The following SMIM13 variants were observed in gnomAD, a reference collection of about 807,000 sequenced individuals.
SMIM13 encodes small integral membrane protein 13.
A neutral mutation model predicts 5.9 loss-of-function variants in SMIM13; 3 were observed. The ratio of observed to expected loss-of-function variants is 0.51; its 90% CI spans 0.23 to 1.31. SMIM13 has a LOEUF of 1.31. Among genes scored for constraint, SMIM13 ranks in the 40% most tolerant of loss-of-function variants. SMIM13 has a pLI of 0.18. For missense variants in SMIM13, 85 were observed against 109.9 expected (o/e 0.77, Z 1.01); for synonymous variants, 55 against 46.0 (o/e 1.19, Z -0.79).
intron 1 of SMIM13, among the ~76,000 whole-genome samples, chr6:11,098,401 A>G (rs1483763180): frequency 6.6e-6 from 1 of 152,200 alleles, no homozygotes; most frequent in Non-Finnish European, 1.5e-5. Context: ...CCTTACAGTT[A>G]AGTGATGTCT....
chr6:11,106,086 C>A (rs891590036), intron 1 of SMIM13, among the ~76,000 whole-genome samples: 1 of 152,138 alleles, frequency 6.6e-6, no homozygotes, highest in Non-Finnish European at 1.5e-5. Flanking sequence ...GCTTTATGTC[C>A]AGGGCACTAC....
chr6:11,108,920 A>G (rs1758130089), intron 1 of SMIM13, among the ~76,000 whole-genome samples: 1 of 152,174 alleles, frequency 6.6e-6, no homozygotes, highest in African/African-American at 2.4e-5. Flanking sequence ...GGTTTTCATA[A>G]GGCCCTTGAT....
In SMIM13 at chr6:11,103,459, C is replaced by T. The variant is rs373330106; in HGVS notation, c.76+9070C>T. On this transcript the variant is annotated intron_variant, in intron 1 of 1. Transcript: ENST00000416247. Reference sequence around the variant, plus strand: ...GCTACCTGCTCCAACATTTCCCCCCCTCAAGAGTCCAAGACCCAATTATCT... The same window carrying T: ...GCTACCTGCTCCAACATTTCCCCCCTTCAAGAGTCCAAGACCCAATTATCT... 2.4e-5 allele frequency: 13 copies of T among 551,092 alleles called. 1 individual carries two copies. Among genetic ancestry groups the T allele is most frequent in the South Asian group, 2.2e-4 (5 of 22,728 alleles). 34.1% of individuals were successfully genotyped at this position (551,092 alleles called of 1,614,324 possible). A position where few individuals can be genotyped will look rare whatever the true frequency, so the allele number is the denominator to read the frequency against.
At chr6:11,111,434 C>A (rs1319165104) in intron 1 of SMIM13, among the ~76,000 whole-genome samples, 2 of 152,194 alleles carry the variant, frequency 1.3e-5, no homozygotes. Flanking sequence ...TCATCAGCCT[C>A]CTGTCTGGGG....
intron 1 of SMIM13, among the ~76,000 whole-genome samples, chr6:11,124,804 T>C (rs1214390010): frequency 6.6e-6 from 1 of 152,162 alleles, no homozygotes; most frequent in Non-Finnish European, 1.5e-5. Flanking sequence ...CTTCAGGTGG[T>C]TTCTTATCAG....
chr6:11,098,509 T>G (rs1475685347), intron 1 of SMIM13, among the ~76,000 whole-genome samples: 1 of 152,238 alleles, frequency 6.6e-6, no homozygotes, highest in Admixed American at 6.5e-5. Context: ...CTTGGTTCAC[T>G]GCAACTTCTA....
chr6:11,100,554 GT>G (rs1757977123), intron 1 of SMIM13, among the ~76,000 whole-genome samples: 1 of 151,898 alleles, frequency 6.6e-6, no homozygotes, highest in Admixed American at 6.6e-5. Flanking sequence ...TCTGTACCCT[GT>G]TTTCTGGATC....
At chr6:11,102,917 A>C (rs1164490043) in intron 1 of SMIM13, 1 of 152,250 alleles carries the variant, frequency 6.6e-6, no homozygotes, top group Non-Finnish European at 1.5e-5. Context: ...AGCAAAGTGC[A>C]CTTGAAGAGA....
At chr6:11,115,522 G>A (rs1758225654) in intron 1 of SMIM13, among the ~76,000 whole-genome samples, 1 of 152,042 alleles carries the variant, frequency 6.6e-6, no homozygotes, top group Non-Finnish European at 1.5e-5. Context: ...AATTGAGTCA[G>A]GCCCACCCAA....
At chr6:11,106,622 A>C (rs1406715655) in intron 1 of SMIM13, among the ~76,000 whole-genome samples, 1 of 152,202 alleles carries the variant, frequency 6.6e-6, no homozygotes, top group African/African-American at 2.4e-5. Flanking sequence ...TGGGTGGCCC[A>C]ATCTGTTTCT....
chr6:11,104,977 G>A (rs893016711), intron 1 of SMIM13: 7 of 1,614,190 alleles, frequency 4.3e-6, no homozygotes, highest in Middle Eastern at 1.6e-4. Context: ...GTAAAGATGG[G>A]TCCGAAAATG....
In SMIM13 at chr6:11,113,128, G is replaced by A. The variant is rs1054718734; in HGVS notation, c.76+18739G>A. ...TTACAGGCGTGAGCCTGTAGTAGTA[G>A]TATTAGTAGTTAGTAGTATTATTAA... On this transcript the variant is annotated intron_variant, in intron 1 of 1. Transcript: ENST00000416247. Among the ~76,000 whole-genome samples the A allele has an allele frequency of 2.0e-5, 3 of 152,330 alleles. No individual in the cohort carries two copies. The East Asian group carries it at 5.8e-4, about 29-fold the overall frequency.
chr6:11,097,257 A>G (rs1017178014), intron 1 of SMIM13, among the ~76,000 whole-genome samples: 3 of 152,324 alleles, frequency 2.0e-5, no homozygotes, highest in East Asian at 1.9e-4. Flanking sequence ...ATGTCTTCAC[A>G]TAGTCTCTCC....
chr6:11,133,402 C>G (rs529299689), intron 1 of SMIM13, among the ~76,000 whole-genome samples: 1 of 151,924 alleles, frequency 6.6e-6, no homozygotes, highest in South Asian at 2.1e-4. Context: ...AGAAAAAAAA[C>G]AAGTAAAATT....
intron 1 of SMIM13, among the ~76,000 whole-genome samples, chr6:11,116,978 GTTTCT>G (rs1758247336): frequency 8.9e-5 from 6 of 67,710 alleles, no homozygotes; most frequent in Non-Finnish European, 1.8e-4. Flanking sequence ...AATGATAATT[GTTTCT>G]TTTTTTTTTT....
intron 1 of SMIM13, among the ~76,000 whole-genome samples, chr6:11,127,750 G>T (rs1167275646): frequency 6.6e-6 from 1 of 152,076 alleles, no homozygotes; most frequent in Non-Finnish European, 1.5e-5. Flanking sequence ...TCTCCCACTG[G>T]GTCCCTCCCA....
intron 1 of SMIM13, among the ~76,000 whole-genome samples, chr6:11,122,501 T>C (rs1758324568): frequency 1.3e-5 from 2 of 152,008 alleles, no homozygotes; most frequent in Admixed American, 1.3e-4. Context: ...CCTGTGACCT[T>C]TTTGCAGTAT....
intron 1 of SMIM13, among the ~76,000 whole-genome samples, chr6:11,114,921 TG>T (rs2113654863): frequency 6.6e-6 from 1 of 152,270 alleles, no homozygotes; most frequent in East Asian, 1.9e-4. Flanking sequence ...CTTTTAAGTC[TG>T]TTAATATGGT....
chr6:11,095,066 G>A (rs1648751188), intron 1 of SMIM13, among the ~76,000 whole-genome samples: 1 of 152,086 alleles, frequency 6.6e-6, no homozygotes, highest in African/African-American at 2.4e-5. Flanking sequence ...TGATTTCTTT[G>A]TACATGTATA....
Sources: gnomAD v4.1 joint callset for allele counts (sites outside exome capture counted in the v4.1 genomes callset) on GRCh38, gnomAD v4.1.1 for gene constraint, MANE v1.5 for transcripts, NCBI Gene and HGNC (gene_info 2026-07-23, HGNC 2026-07-21) for gene names.